The following SLC12A8 variants were observed in gnomAD, a reference collection of about 807,000 sequenced individuals.
SLC12A8 encodes cation-chloride cotransporter 9.
In SLC12A8, 69 loss-of-function variants were observed where a neutral mutation model predicts 75.6. The observed-to-expected ratio is 0.91, with a 90% CI of 0.75 to 1.11. The LOEUF is 1.11. Among genes scored for constraint, SLC12A8 ranks in the 50% most tolerant of loss-of-function variants. The pLI, the probability that SLC12A8 is intolerant of heterozygous loss-of-function variation, is 0.00. For missense variants in SLC12A8, 877 were observed against 896.7 expected, an observed-to-expected ratio of 0.98 and a Z score of 0.28; for synonymous variants, 365 against 372.8, an observed-to-expected ratio of 0.98 and a Z score of 0.24.
At chr3:125,112,171 C>CA (rs1286420781) in intron 8 of SLC12A8, among the ~76,000 whole-genome samples, 2 of 152,190 alleles carry the variant, frequency 1.3e-5, no homozygotes, top group Non-Finnish European at 2.9e-5. Context: ...TCAGGAAGGT[C>CA]AGATGCTTGA....
rs1339673899 is a variant in SLC12A8, at chr3:125,208,789, CACAG to C, written c.51+2506_51+2509del. Among the ~76,000 whole-genome samples the C allele has an allele frequency of 7.7e-3, 759 of 98,338 alleles. 4 individuals are homozygous for C. Among genetic ancestry groups the C allele is most frequent in the East Asian group, 0.017 (73 of 4,216 alleles). The allele number at this position is 98,338 out of a possible 152,430, so 64.5% of individuals were successfully genotyped here. A position where few individuals can be genotyped will look rare whatever the true frequency, so the allele number is the denominator to read the frequency against. On this transcript the variant is annotated intron_variant, in intron 2 of 13. Transcript: ENST00000469902. ...ACACACACACACACACACACACACACACAGAGAGAGAGAGAGAGAGAGAGAGAGA... is the reference window on the plus strand; with the variant it reads ...ACACACACACACACACACACACACACAGAGAGAGAGAGAGAGAGAGAGAGA...
At chr3:125,185,378 G>A (rs1313215277) in intron 4 of SLC12A8, among the ~76,000 whole-genome samples, 5 of 147,558 alleles carry the variant, frequency 3.4e-5, no homozygotes, top group African/African-American at 7.4e-5. Context: ...AAAAAGAAAT[G>A]GACAAATTCC....
Position 125,101,468 on chromosome 3 carries a change from G to C in SLC12A8, c.1705+6013C>G, listed in dbSNP as rs777107923. On this transcript the variant is annotated intron_variant, in intron 10 of 13. Transcript: ENST00000469902. ...ACCTGACATCTTTTCAGTAAAATCT[G>C]GATTTTGACCTTCCTGTTTTTAAAA... 2.6e-5 allele frequency among the ~76,000 whole-genome samples: 4 copies of C among 152,180 alleles called. No individual in the cohort carries two copies. The South Asian group carries it at 6.2e-4, about 24-fold the overall frequency.
chr3:125,111,257 C>A (rs1939180411), intron 8 of SLC12A8, among the ~76,000 whole-genome samples: 1 of 152,172 alleles, frequency 6.6e-6, no homozygotes, highest in South Asian at 2.1e-4. Flanking sequence ...AGATCCATGA[C>A]CCACAAGGCA....
intron 5 of SLC12A8, among the ~76,000 whole-genome samples, chr3:125,165,495 C>T (rs1441895836): frequency 3.3e-5 from 5 of 152,182 alleles, no homozygotes; most frequent in Admixed American, 6.5e-5. Flanking sequence ...AAAGGAGACT[C>T]GGGGACACGC....
intron 2 of SLC12A8, among the ~76,000 whole-genome samples, chr3:125,200,966 G>A (rs191189089): frequency 1.6e-3 from 241 of 152,328 alleles, no homozygotes; most frequent in Non-Finnish European, 2.7e-3. Context: ...AGTGACCATG[G>A]ATGTGATTTA....
intron 5 of SLC12A8, among the ~76,000 whole-genome samples, chr3:125,172,628 T>C (rs1268494260): frequency 1.3e-5 from 2 of 152,250 alleles, no homozygotes; most frequent in Non-Finnish European, 2.9e-5. Flanking sequence ...CAAATGTTTA[T>C]TGTTATCTTA....
rs537080395 is a variant in SLC12A8, at chr3:125,174,915, C to A, written c.622+2828G>T. On this transcript the variant is annotated intron_variant, in intron 5 of 13. Transcript: ENST00000469902. ...ACGTAACATTGTACATTGTCAAAAT[C>A]CATAGAATGTATAATACTGAGTGAA... Among the ~76,000 whole-genome samples, 58 of 152,250 alleles carry A rather than the reference C, an allele frequency of 3.8e-4. 1 individual carries two copies. The highest frequency in any genetic ancestry group is 1.3e-3 in the African/African-American group (55 of 41,536).
At chr3:125,128,479 C>A (rs866660183) in intron 6 of SLC12A8, among the ~76,000 whole-genome samples, 1 of 109,834 alleles carries the variant, frequency 9.1e-6, no homozygotes, top group Non-Finnish European at 2.0e-5. Context: ...CGCGCCCGGC[C>A]TTTTTTTTTT....
Position 125,107,683 on chromosome 3 carries a change from T to C in SLC12A8, c.1503A>G (p.Leu501=). 1 of 1,614,180 alleles carries C rather than the reference T, an allele frequency of 6.2e-7. No homozygotes were observed. Among genetic ancestry groups the C allele is most frequent in the Non-Finnish European group, 8.5e-7 (1 of 1,180,016 alleles). The change falls in exon 10 of 14, where the codon CTA becomes CTG. Residue 501 remains leucine (L), a synonymous_variant. Coordinates refer to ENST00000469902, the MANE Select transcript of SLC12A8 (RefSeq NM_024628.6). ...RKSKKATKQT[L]QDSFLLDLKS... is the part of the protein sequence containing the mutation. ...TGAGGTCCAAGAGGAAGCTATCTTG[T>C]AGGGTCTGCTTGGTGGCCTTCTTGC...
intron 5 of SLC12A8, among the ~76,000 whole-genome samples, chr3:125,171,911 T>TA (rs1196200311): frequency 2.9e-3 from 3 of 1,026 alleles, no homozygotes; most frequent in East Asian, 8.8e-3. Flanking sequence ...TAGAGTATAA[T>TA]AAAAAAAAAA....
intron 10 of SLC12A8, among the ~76,000 whole-genome samples, chr3:125,094,678 C>G (rs564065): frequency 0.47 from 71,007 of 152,024 alleles, 17,436 homozygotes; most frequent in South Asian, 0.7. Context: ...ATGTCTACAG[C>G]TCACCCCTAG....
intron 2 of SLC12A8, among the ~76,000 whole-genome samples, chr3:125,195,075 T>C (rs1015520208): frequency 1.3e-4 from 20 of 152,390 alleles, no homozygotes; most frequent in African/African-American, 4.3e-4. Context: ...GATGAGATGA[T>C]AGTTGTGAAA....
chr3:125,114,373 T>C (rs1049690474), intron 8 of SLC12A8, among the ~76,000 whole-genome samples: 2 of 152,196 alleles, frequency 1.3e-5, no homozygotes, highest in Non-Finnish European at 1.5e-5. Context: ...TGTGAAACCA[T>C]GACTATTAAA....
rs372614531 is a variant in SLC12A8 at position 125,091,461 on chromosome 3, C to G, written c.1899G>C (p.Arg633=). Residue 633 remains arginine, a synonymous_variant, in exon 12 of 14, where the codon CGG becomes CGC. Coordinates refer to ENST00000469902, the MANE Select transcript of SLC12A8 (RefSeq NM_024628.6). ...VAAIVYFYIG[R]ASPGLHLGSA... is the part of the protein sequence containing the mutation. ...TACCAAGGTGAAGCCCTGGACTGGCCCGGCCAATGTAGAAATACACGATGG... is the reference window on the plus strand; with the variant it reads ...TACCAAGGTGAAGCCCTGGACTGGCGCGGCCAATGTAGAAATACACGATGG... The G allele has an allele frequency of 3.7e-5, 59 of 1,613,556 alleles. No homozygotes were observed. Among genetic ancestry groups the G allele is most frequent in the Non-Finnish European group, 4.4e-5 (52 of 1,179,736 alleles).
At chr3:125,154,542 C>A (rs1349948313) in intron 5 of SLC12A8, among the ~76,000 whole-genome samples, 2 of 152,164 alleles carry the variant, frequency 1.3e-5, no homozygotes, top group Non-Finnish European at 2.9e-5. Flanking sequence ...ACAGAATGCT[C>A]AATAAACATT....
At chr3:125,156,084 G>C (rs142679733) in intron 5 of SLC12A8, among the ~76,000 whole-genome samples, 1 of 152,196 alleles carries the variant, frequency 6.6e-6, no homozygotes, top group African/African-American at 2.4e-5. Flanking sequence ...GACCCCAGCC[G>C]GCTGCCTCAT....
In SLC12A8 at chr3:125,120,697, C is replaced by T; in HGVS notation, c.737-11G>A. ...AGCCGGCCATGACTCCTGAAAGACACCCAGATGGGGAATGGGGTGAGCAGC... is the reference window on the plus strand; with the variant it reads ...AGCCGGCCATGACTCCTGAAAGACATCCAGATGGGGAATGGGGTGAGCAGC... On this transcript the variant is annotated splice_polypyrimidine_tract_variant and intron_variant, in intron 6 of 13. Transcript: ENST00000469902. 1 of 1,610,170 alleles carries T rather than the reference C, an allele frequency of 6.2e-7. No homozygotes were observed. Among genetic ancestry groups the T allele is most frequent in the Non-Finnish European group, 8.5e-7 (1 of 1,176,988 alleles).
chr3:125,120,019 G>C (rs1933007491), intron 7 of SLC12A8: 1 of 396,834 alleles, frequency 2.5e-6, no homozygotes, highest in Non-Finnish European at 5.0e-6. Context: ...GAGCTGGAGG[G>C]GAGGCTCACT....
Sources: allele counts gnomAD v4.1 joint callset (sites outside exome capture counted in the v4.1 genomes callset), GRCh38; gene constraint gnomAD v4.1.1; transcripts MANE v1.5; gene names NCBI Gene and HGNC (gene_info 2026-07-23, HGNC 2026-07-21).